BORCS5: variants seen among roughly 807,000 people sequenced by gnomAD.
The protein encoded by BORCS5 is BLOC-1 related complex subunit 5, also known as BLOC-1-related complex subunit 5.
BORCS5 carries 17 observed loss-of-function variants against 22.1 expected under a neutral mutation model. The observed-to-expected ratio is 0.77, with a 90% CI of 0.53 to 1.15. BORCS5 has a LOEUF of 1.15. BORCS5 is among the 50% of genes most tolerant of loss of function. The probability of loss-of-function intolerance (pLI) is 0.00; values close to 1 mark genes in which losing one functional copy is unlikely to be tolerated. For synonymous variants in BORCS5, 117 were observed against 99.8 expected, an observed-to-expected ratio of 1.17 and a Z score of -1.03; for missense variants, 247 against 253.2, an observed-to-expected ratio of 0.98 and a Z score of 0.17.
At chr12:12,372,579 G>T (rs1015435345) in intron 2 of BORCS5, among the ~76,000 whole-genome samples, 5 of 152,030 alleles carry the variant, frequency 3.3e-5, no homozygotes, top group Admixed American at 2.6e-4. Flanking sequence ...TAAGTTACTT[G>T]TAGTCATTTG....
At chr12:12,412,119 A>C (rs1941750555) in intron 2 of BORCS5, among the ~76,000 whole-genome samples, 1 of 152,192 alleles carries the variant, frequency 6.6e-6, no homozygotes, top group Non-Finnish European at 1.5e-5. Flanking sequence ...TTGAGATTCC[A>C]TATGAATTTT....
Position 12,470,888 on chromosome 12 carries a change from T to A in BORCS5, c.*5112T>A, listed in dbSNP as rs913672775. Among the ~76,000 whole-genome samples, 3 of 152,182 alleles carry A rather than the reference T, an allele frequency of 2.0e-5. No homozygotes were observed. The highest frequency in any genetic ancestry group is 7.2e-5 in the African/African-American group (3 of 41,442). On this transcript the variant is annotated 3_prime_UTR_variant, in exon 4 of 4. Transcript: ENST00000314565. ...TTTTCCAGGGTTATCAATGTCAGTG[T>A]AAGATCTGATGGAATTTACCGTTGA...
At chr12:12,440,201 C>G (rs1308321897) in intron 3 of BORCS5, among the ~76,000 whole-genome samples, 1 of 152,154 alleles carries the variant, frequency 6.6e-6, no homozygotes, top group East Asian at 1.9e-4. Context: ...CTCAGCTTTC[C>G]TTATGTTAAA....
intron 2 of BORCS5, among the ~76,000 whole-genome samples, chr12:12,414,958 G>A (rs949804433): frequency 7.6e-6 from 1 of 131,768 alleles, no homozygotes; most frequent in African/African-American, 2.8e-5. Context: ...ATGGGCGGCC[G>A]GGCAGAGACG....
chr12:12,386,363 T>C (rs1863880076), intron 2 of BORCS5, among the ~76,000 whole-genome samples: 1 of 151,056 alleles, frequency 6.6e-6, no homozygotes, highest in African/African-American at 2.4e-5. Context: ...CTGTTTTATA[T>C]ATGTTGAAAA....
chr12:12,440,015 G>C (rs1264922686), intron 3 of BORCS5, among the ~76,000 whole-genome samples: 1 of 152,212 alleles, frequency 6.6e-6, no homozygotes. Context: ...ATAATGCTAT[G>C]TGTTGACAAG....
Position 12,403,775 on chromosome 12 carries a change from TA to T in BORCS5, c.203-31852del, listed in dbSNP as rs1249944809. ...TGGTCACATGAGTATTCAGATATGT[TA>T]TCTCTGAATGTGATGCCCTGGTCAG... On this transcript the variant is annotated intron_variant, in intron 2 of 3. Coordinates refer to ENST00000314565, the MANE Select transcript of BORCS5 (RefSeq NM_058169.6). 4.6e-5 allele frequency among the ~76,000 whole-genome samples: 7 copies of T among 152,302 alleles called. No homozygotes were observed. The South Asian group carries it at 1.4e-3, about 32-fold the overall frequency.
At chr12:12,439,664 G>C (rs1287399837) in intron 3 of BORCS5, among the ~76,000 whole-genome samples, 1 of 152,160 alleles carries the variant, frequency 6.6e-6, no homozygotes, top group Non-Finnish European at 1.5e-5. Flanking sequence ...GAAGAACTTT[G>C]GGATTCACTT....
intron 2 of BORCS5, among the ~76,000 whole-genome samples, chr12:12,380,786 T>G (rs1863758825): frequency 6.6e-6 from 1 of 151,406 alleles, no homozygotes; most frequent in Admixed American, 6.6e-5. Context: ...AGAGTGGTTG[T>G]GTAGTGGTAT....
At chr12:12,416,057 G>C (rs961664016) in intron 2 of BORCS5, among the ~76,000 whole-genome samples, 1 of 152,092 alleles carries the variant, frequency 6.6e-6, no homozygotes, top group African/African-American at 2.4e-5. Flanking sequence ...GTAGGTTCTA[G>C]TTCTGTGTTT....
At chr12:12,400,464 T>G (rs1445539257) in intron 2 of BORCS5, among the ~76,000 whole-genome samples, 1 of 152,080 alleles carries the variant, frequency 6.6e-6, no homozygotes, top group African/African-American at 2.4e-5. Flanking sequence ...TTCCATCAGC[T>G]TTGCAGAGGG....
chr12:12,435,930 T>C, intron 3 of BORCS5, 145 bp downstream of exon 3: 2 of 787,260 alleles, frequency 2.5e-6, no homozygotes, highest in Non-Finnish European at 3.9e-6. Flanking sequence ...ATGAAAAAAG[T>C]GGTCCACAGA....
chr12:12,422,287 A>AT (rs71061064), intron 2 of BORCS5, among the ~76,000 whole-genome samples: 77 of 147,930 alleles, frequency 5.2e-4, no homozygotes, highest in African/African-American at 1.2e-3. Flanking sequence ...CTTTTCTTTT[A>AT]TTTTTTTTTT....
intron 2 of BORCS5, among the ~76,000 whole-genome samples, chr12:12,385,728 T>C (rs1243576147): frequency 6.6e-6 from 1 of 150,892 alleles, no homozygotes; most frequent in Non-Finnish European, 1.5e-5. Context: ...TAGGCTGTTC[T>C]CAAACTCCTG....
chr12:12,364,780 A>G (rs1197203287), intron 2 of BORCS5, among the ~76,000 whole-genome samples: 1 of 152,228 alleles, frequency 6.6e-6, no homozygotes, highest in Non-Finnish European at 1.5e-5. Flanking sequence ...TAGCCTGGCC[A>G]ACATGGCAAA....
chr12:12,408,476 G>T (rs1327439252), intron 2 of BORCS5, among the ~76,000 whole-genome samples: 1 of 152,142 alleles, frequency 6.6e-6, no homozygotes, highest in Admixed American at 6.5e-5. Flanking sequence ...ATTGTTGTGT[G>T]ACCATCACCA....
chr12:12,403,365 G>GCCAAAAAA (rs1462506342), intron 2 of BORCS5, among the ~76,000 whole-genome samples: 2 of 152,134 alleles, frequency 1.3e-5, no homozygotes, highest in African/African-American at 4.8e-5. Flanking sequence ...CACTGTTAGA[G>GCCAAAAAA]GTCTGTTGCT....
At position 12,465,603 on chromosome 12, in the gene BORCS5, G is replaced by T. The variant is rs746400601; in HGVS notation, c.418G>T (p.Ala140Ser). 1 of 1,614,260 alleles carries T rather than the reference G, an allele frequency of 6.2e-7. No individual in the cohort carries two copies. The highest frequency in any genetic ancestry group is 1.1e-5 in the South Asian group (1 of 91,082). Reference sequence around the variant, plus strand: ...CATGCAGGAGCGCCAGAAAAGATACGCCAAGTATGCCGAGCAGATCCAGAA... The same window carrying T: ...CATGCAGGAGCGCCAGAAAAGATACTCCAAGTATGCCGAGCAGATCCAGAA... ...SFMQERQKRY[A>S]KYAEQIQKVN... The change falls in exon 4 of 4, where the codon GCC becomes TCC. Residue 140 changes from alanine (A) to serine (S), a missense_variant. Transcript: ENST00000314565.
In BORCS5 at chr12:12,414,945, A is replaced by G. The variant is rs1335780425; in HGVS notation, c.203-20683A>G. 1.5e-3 allele frequency among the ~76,000 whole-genome samples: 199 copies of G among 134,866 alleles called. 3 individuals are homozygous for G. Among genetic ancestry groups the G allele is most frequent in the African/African-American group, 5.5e-3 (193 of 35,410 alleles). 88.5% of individuals were successfully genotyped at this position (134,866 alleles called of 152,430 possible). On this transcript the variant is annotated intron_variant, in intron 2 of 3. Transcript: ENST00000314565. ...GGCAGAGGTGCTCCCCACATCTCAG[A>G]CGATGGGCGGCCGGGCAGAGACGCT...
Sources: gnomAD v4.1 joint callset for allele counts (sites outside exome capture counted in the v4.1 genomes callset) on GRCh38, gnomAD v4.1.1 for gene constraint, MANE v1.5 for transcripts, NCBI Gene and HGNC (gene_info 2026-07-23, HGNC 2026-07-21) for gene names.